Variants in COQ7 observed in about 807,000 individuals in gnomAD.
The protein encoded by COQ7 is NADPH-dependent 3-demethoxyubiquinone 3-hydroxylase, mitochondrial.
In COQ7, 21 loss-of-function variants were observed where a neutral mutation model predicts 25.0. The observed-to-expected ratio is 0.84, with a 90% CI of 0.60 to 1.21. The LOEUF is 1.21. Ranked by LOEUF, COQ7 falls within the 50% of genes most tolerant of loss-of-function variation. The pLI is 0.00. For missense variants in COQ7, 311 were observed against 296.2 expected (o/e 1.05, Z -0.37); for synonymous variants, 125 against 112.4 (o/e 1.11, Z -0.71).
At position 19,074,497 on chromosome 16, in the gene COQ7, C is replaced by T. The variant is rs151049951; in HGVS notation, c.367+462C>T. Among the ~76,000 whole-genome samples, 1,191 of 151,688 alleles carry T rather than the reference C, an allele frequency of 7.9e-3. 12 individuals are homozygous for T. The highest frequency in any genetic ancestry group is 0.027 in the African/African-American group (1,134 of 41,340). ...CCAAGATTGGCCCACTGCACTCCAG[C>T]GTGGGTGACAGAGCGACACTCTGTC... is the stretch of plus-strand genomic sequence containing the variant. On this transcript the variant is annotated intron_variant, in intron 3 of 5. Transcript: ENST00000321998.
At position 19,078,294 on chromosome 16, in the gene COQ7, T is replaced by C. The variant is rs1962969141; in HGVS notation, c.*136T>C. On this transcript the variant is annotated 3_prime_UTR_variant, in exon 6 of 6. Transcript: ENST00000321998. ...TTAATAAATTATAAGGTTTGTTTTTTTTTTTTTAAACTCTGCAGTGTTGAT... is the reference window on the plus strand; with the variant it reads ...TTAATAAATTATAAGGTTTGTTTTTCTTTTTTTAAACTCTGCAGTGTTGAT... 1 of 690,042 alleles carries C rather than the reference T, an allele frequency of 1.4e-6. No individual in the cohort carries two copies. The highest frequency in any genetic ancestry group is 2.2e-6 in the Non-Finnish European group (1 of 460,376). The allele number at this position is 690,042 out of a possible 1,614,324, so 42.7% of individuals were successfully genotyped here. A position where few individuals can be genotyped will look rare whatever the true frequency, so the allele number is the denominator to read the frequency against.
chr16:19,072,950 C>T (rs567564443), intron 2 of COQ7, among the ~76,000 whole-genome samples: 7 of 152,274 alleles, frequency 4.6e-5, no homozygotes, highest in East Asian at 1.9e-4. Flanking sequence ...GCCAATGGAT[C>T]GCTTGAGCCC....
At position 19,071,990 on chromosome 16, in the gene COQ7, C is replaced by A; in HGVS notation, c.136C>A (p.Arg46=). ...AGGAATGACTTTAGACAATATCAGTCGGGCAGCTGTGGATCGAATAATCCG... is the reference window on the plus strand; with the variant it reads ...AGGAATGACTTTAGACAATATCAGTAGGGCAGCTGTGGATCGAATAATCCG... ...SSGMTLDNIS[R]AAVDRIIRVD... The change falls in exon 2 of 6, where the codon CGG becomes AGG. Residue 46 remains arginine (R), a synonymous_variant. Coordinates refer to ENST00000321998, the MANE Select transcript of COQ7 (RefSeq NM_016138.5). 2 of 1,614,180 alleles carry A rather than the reference C, an allele frequency of 1.2e-6. No homozygotes were observed. Among genetic ancestry groups the A allele is most frequent in the Non-Finnish European group, 1.7e-6 (2 of 1,180,042 alleles).
At chr16:19,073,418 T>C (rs1351492932) in intron 2 of COQ7, among the ~76,000 whole-genome samples, 1 of 152,114 alleles carries the variant, frequency 6.6e-6, no homozygotes, top group African/African-American at 2.4e-5. Context: ...CGCTTGATCC[T>C]GGAGGTTGAG....
chr16:19,072,141 C>T (rs755238821), intron 2 of COQ7, 35 bp downstream of exon 2: 3 of 1,611,978 alleles, frequency 1.9e-6, no homozygotes, highest in South Asian at 2.2e-5. Flanking sequence ...CCCTGGTCTA[C>T]TGAATGGGCA....
chr16:19,071,127 T>TTTTG (rs150923422), intron 1 of COQ7, among the ~76,000 whole-genome samples: 2 of 151,804 alleles, frequency 1.3e-5, no homozygotes, highest in Non-Finnish European at 2.9e-5. Context: ...TTTTTTCTGT[T>TTTTG]TTTGTTTGTT....
In COQ7 at chr16:19,078,133, C is replaced by A; in HGVS notation, c.629C>A (p.Ala210Glu). 9.9e-6 allele frequency: 16 copies of A among 1,610,984 alleles called. No individual in the cohort carries two copies. Among genetic ancestry groups the A allele is most frequent in the Non-Finnish European group, 1.3e-5 (15 of 1,178,644 alleles). The change falls in exon 6 of 6, where the codon GCG becomes GAG. Residue 210 changes from alanine (A) to glutamate (E), a missense_variant. Transcript: ENST00000321998. ...ATTATCCAGGCCGGATGCAGAGTGG[C>A]GATATATTTATCAGAAAGATTATAA... ...KSIIQAGCRV[A>E]IYLSERL is the part of the protein sequence containing the mutation.
intron 1 of COQ7, among the ~76,000 whole-genome samples, chr16:19,069,822 C>T (rs1376794773): frequency 6.6e-6 from 1 of 151,978 alleles, no homozygotes; most frequent in Admixed American, 6.6e-5. Context: ...CTCACTCTGT[C>T]ACCGAGGCTG....
downstream of COQ7, among the ~76,000 whole-genome samples, chr16:19,082,642 G>A (rs1281752907): frequency 6.6e-6 from 1 of 151,812 alleles, no homozygotes; most frequent in African/African-American, 2.4e-5. Context: ...AAATTAGCCG[G>A]GCGTAGTCCC....
In COQ7 at chr16:19,075,861, G is replaced by A. The variant is rs774603866; in HGVS notation, c.507+1G>A. On this transcript the variant is annotated splice_donor_variant, in intron 4 of 5. Transcript: ENST00000321998. LOFTEE classifies it high-confidence loss of function. Reference sequence around the variant, plus strand: ...TGAAAAATACGAGGAACTTCTTCAGGTATTTATCCGTGCTCTAGAACGGGG... The same window carrying A: ...TGAAAAATACGAGGAACTTCTTCAGATATTTATCCGTGCTCTAGAACGGGG... 8.7e-6 allele frequency: 14 copies of A among 1,614,058 alleles called. No homozygotes were observed. The highest frequency in any genetic ancestry group is 2.2e-5 in the East Asian group (1 of 44,890).
chr16:19,072,850 A>G (rs985999210), intron 2 of COQ7, among the ~76,000 whole-genome samples: 1 of 152,306 alleles, frequency 6.6e-6, no homozygotes, highest in South Asian at 2.1e-4. Context: ...AGCTGCAGCT[A>G]GCATTCTCCC....
chr16:19,067,803 T>G (rs1962304894), intron 1 of COQ7, 66 bp downstream of exon 1: 5 of 1,571,066 alleles, frequency 3.2e-6, no homozygotes, highest in Non-Finnish European at 4.3e-6. Context: ...TCGCTTGAGG[T>G]TTGGGTCGAA....
intron 3 of COQ7, among the ~76,000 whole-genome samples, chr16:19,074,534 CCAAAACAAAA>C (rs1258530204): frequency 6.6e-6 from 1 of 151,358 alleles, no homozygotes; most frequent in Admixed American, 6.6e-5. Flanking sequence ...CAAAAAAAAA[CCAAAACAAAA>C]CAAAAAAAAA....
chr16:19,077,439 G>C (rs1596835066), intron 5 of COQ7, 65 bp downstream of exon 5: 1 of 1,339,082 alleles, frequency 7.5e-7, no homozygotes, highest in South Asian at 1.2e-5. Context: ...AGGGGCAGGA[G>C]GTTTCTGTTG....
chr16:19,077,983 T>C, intron 5 of COQ7, 98 bp from the exon 6 acceptor site: 1 of 812,580 alleles, frequency 1.2e-6, no homozygotes, highest in Non-Finnish European at 1.9e-6. Context: ...ATCTATTTCT[T>C]ATCCAGAGAA....
At chr16:19,082,645 G>A (rs866553960), downstream of COQ7, among the ~76,000 whole-genome samples, 2 of 151,920 alleles carry the variant, frequency 1.3e-5, no homozygotes, top group Non-Finnish European at 2.9e-5. Context: ...TTAGCCGGGC[G>A]TAGTCCCAGC....
chr16:19,081,392 C>CA (rs909868541), downstream of COQ7, among the ~76,000 whole-genome samples: 10 of 151,566 alleles, frequency 6.6e-5, no homozygotes, highest in East Asian at 1.2e-3. Flanking sequence ...CTTGCAGAGC[C>CA]AAAAAAAAGG....
At chr16:19,082,692 A>G (rs1963116796), downstream of COQ7, among the ~76,000 whole-genome samples, 1 of 151,860 alleles carries the variant, frequency 6.6e-6, no homozygotes, top group East Asian at 1.9e-4. Context: ...GCTTGAACCC[A>G]GGTGGCAGAG....
At chr16:19,076,708 C>T (rs1225316891) in intron 4 of COQ7, among the ~76,000 whole-genome samples, 2 of 150,998 alleles carry the variant, frequency 1.3e-5, no homozygotes, top group Non-Finnish European at 2.9e-5. Context: ...TCTCCTGCCT[C>T]GGCGTCCCAG....
Sources: allele counts gnomAD v4.1 joint callset (sites outside exome capture counted in the v4.1 genomes callset), GRCh38; gene constraint gnomAD v4.1.1; transcripts MANE v1.5; gene names NCBI Gene and HGNC (gene_info 2026-07-23, HGNC 2026-07-21).